APOBEC3D: variants seen among roughly 807,000 people sequenced by gnomAD.
APOBEC3D encodes the protein DNA dC->dU-editing enzyme APOBEC-3D.
Under a neutral mutation model 45.6 loss-of-function variants are expected in APOBEC3D, and 37 were observed. The ratio of observed to expected loss-of-function variants is 0.81; its 90% CI spans 0.62 to 1.07. APOBEC3D has a LOEUF of 1.07. Among genes scored for constraint, APOBEC3D ranks in the 50% least tolerant of loss-of-function variants. The pLI, the probability that APOBEC3D is intolerant of heterozygous loss-of-function variation, is 0.00. For missense variants in APOBEC3D, 496 were observed against 495.3 expected (o/e 1.00, Z -0.01); for synonymous variants, 175 against 180.7 (o/e 0.97, Z 0.25).
At position 39,021,438 on chromosome 22, in the gene APOBEC3D, C is replaced by T. The variant is rs1925093657; in HGVS notation, c.-82C>T. ...CACTTTAAGGAGGGCTGTCCAACTG[C>T]AAGGAGCCGCAAGCAGGAAGTGAAA... On this transcript the variant is annotated 5_prime_UTR_variant, in exon 1 of 7. Coordinates refer to ENST00000216099, the MANE Select transcript of APOBEC3D (RefSeq NM_152426.4). 3 of 1,606,916 alleles carry T rather than the reference C, an allele frequency of 1.9e-6. No individual in the cohort carries two copies. Among genetic ancestry groups the T allele is most frequent in the Admixed American group, 3.4e-5 (2 of 59,686 alleles).
Position 39,021,549 on chromosome 22 carries a change from A to C in APOBEC3D, c.17+13A>C. 1 of 1,612,376 alleles carries C rather than the reference A, an allele frequency of 6.2e-7. No homozygotes were observed. Among genetic ancestry groups the C allele is most frequent in the Non-Finnish European group, 8.5e-7 (1 of 1,179,988 alleles). The stretch of plus-strand genomic sequence containing the variant: ...ATCCACAGATCAGGTACCGCTGCCC[A>C]CTATGTCCGCAGGGCCCCTCCGGCC... On this transcript the variant is annotated intron_variant, in intron 1 of 6. Coordinates refer to ENST00000216099, the MANE Select transcript of APOBEC3D (RefSeq NM_152426.4).
At position 39,033,099 on chromosome 22, in the gene APOBEC3D, T is replaced by C. The variant is rs1248133571; in HGVS notation, c.*783T>C. On this transcript the variant is annotated 3_prime_UTR_variant, in exon 7 of 7. Transcript: ENST00000216099. ...AGATGTGGTGGCATGCACCTGTAGT[T>C]TAAGCTACTTGGGAGGATGAAGTGG... 2.7e-5 allele frequency: 5 copies of C among 186,432 alleles called. No homozygotes were observed. Among genetic ancestry groups the C allele is most frequent in the African/African-American group, 1.2e-4 (5 of 41,866 alleles). The allele number at this position is 186,432 out of a possible 1,614,324, so 11.5% of individuals were successfully genotyped here. A position where few individuals can be genotyped will look rare whatever the true frequency, so the allele number is the denominator to read the frequency against.
At chr22:39,023,853 T>C (rs1046498175) in intron 2 of APOBEC3D, among the ~76,000 whole-genome samples, 2 of 152,090 alleles carry the variant, frequency 1.3e-5, no homozygotes, top group African/African-American at 4.8e-5. Flanking sequence ...CACAGTTTGG[T>C]GAACCCTCAC....
chr22:39,025,582 T>C lies in APOBEC3D; in HGVS notation c.516T>C (p.Phe172=), dbSNP rs1388264596. Reference sequence around the variant, plus strand: ...ACTTTGCATACTGCTGGGAAAACTTTGTGTGCAATGAAGGTCAGCCATTCA... The same window carrying C: ...ACTTTGCATACTGCTGGGAAAACTTCGTGTGCAATGAAGGTCAGCCATTCA... ...YEDFAYCWEN[F]VCNEGQPFMP... Residue 172 remains phenylalanine (F), a synonymous_variant, in exon 4 of 7, where the codon TTT becomes TTC. Transcript: ENST00000216099. The C allele has an allele frequency of 5.1e-5, 83 of 1,613,996 alleles. No individual in the cohort carries two copies. The highest frequency in any genetic ancestry group is 6.9e-5 in the Non-Finnish European group (81 of 1,179,996).
At chr22:39,026,207 G>A (rs910443355) in intron 4 of APOBEC3D, among the ~76,000 whole-genome samples, 2 of 152,160 alleles carry the variant, frequency 1.3e-5, no homozygotes, top group African/African-American at 4.8e-5. Context: ...AAGGTGGAGG[G>A]GTGGGTGGGG....
chr22:39,028,879 G>A (rs1449655815), intron 4 of APOBEC3D, among the ~76,000 whole-genome samples: 1 of 152,154 alleles, frequency 6.6e-6, no homozygotes, highest in African/African-American at 2.4e-5. Flanking sequence ...AAGTTATAGT[G>A]AGCCGAGATT....
In APOBEC3D at chr22:39,023,008, G is replaced by A. The variant is rs371941040; in HGVS notation, c.204G>A (p.Arg68=). 23 of 1,592,080 alleles carry A rather than the reference G, an allele frequency of 1.4e-5. No individual in the cohort carries two copies. In the African/African-American group the frequency reaches 2.6e-4, roughly 18 times the overall value. ...TACCCAAACGTCAGTCGAATCACAG[G>A]CAGGAGGTAAGCAGCTGGGAATGCA... ...PVLPKRQSNH[R]QEVYFRFENH... is the part of the protein sequence containing the mutation. Residue 68 remains arginine (R), a synonymous_variant, in exon 2 of 7, where the codon AGG becomes AGA. Coordinates refer to ENST00000216099, the MANE Select transcript of APOBEC3D (RefSeq NM_152426.4).
intron 2 of APOBEC3D, among the ~76,000 whole-genome samples, chr22:39,023,813 C>G (rs1925365522): frequency 6.6e-6 from 1 of 152,070 alleles, no homozygotes; most frequent in Non-Finnish European, 1.5e-5. Context: ...CGGCCACCGC[C>G]CGGATTCCTC....
intron 4 of APOBEC3D, among the ~76,000 whole-genome samples, chr22:39,027,426 C>T (rs1449652381): frequency 6.6e-6 from 1 of 152,164 alleles, no homozygotes; most frequent in Non-Finnish European, 1.5e-5. Flanking sequence ...TGGGATGATT[C>T]CTGAGGGCAG....
At chr22:39,021,639 G>A in intron 1 of APOBEC3D, 103 bp downstream of exon 1, 2 of 1,540,508 alleles carry the variant, frequency 1.3e-6, no homozygotes, top group Non-Finnish European at 1.8e-6. Flanking sequence ...CCCAGCCCTG[G>A]ACTTCCTTCC....
chr22:39,028,078 G>A (rs1415282387), intron 4 of APOBEC3D, among the ~76,000 whole-genome samples: 8 of 152,272 alleles, frequency 5.3e-5, no homozygotes, highest in East Asian at 3.9e-4. Flanking sequence ...TTAAGAGAGG[G>A]TGTGGGGGAG....
chr22:39,026,071 C>T (rs1008595250), intron 4 of APOBEC3D, among the ~76,000 whole-genome samples: 13 of 152,238 alleles, frequency 8.5e-5, no homozygotes, highest in Non-Finnish European at 1.9e-4. Context: ...CCGACCTGAG[C>T]CCCTGAGAAG....
chr22:39,028,311 C>T (rs1925878030), intron 4 of APOBEC3D, among the ~76,000 whole-genome samples: 1 of 152,246 alleles, frequency 6.6e-6, no homozygotes, highest in Non-Finnish European at 1.5e-5. Context: ...TACAGCTCCC[C>T]ACCGCAGGGC....
In APOBEC3D at chr22:39,021,291, A is replaced by G. The variant is rs1021602197; in HGVS notation, c.-229A>G. 1.2e-5 allele frequency: 6 copies of G among 496,732 alleles called. No homozygotes were observed. The highest frequency in any genetic ancestry group is 4.0e-5 in the African/African-American group (2 of 50,630). The allele number at this position is 496,732 out of a possible 1,614,324, so 30.8% of individuals were successfully genotyped here. A position where few individuals can be genotyped will look rare whatever the true frequency, so the allele number is the denominator to read the frequency against. ...CCTGGCTAATTTTTGTATTTTTAGTAGAGACGGGGTTTCTCCATGTTGGTC... is the reference window on the plus strand; with the variant it reads ...CCTGGCTAATTTTTGTATTTTTAGTGGAGACGGGGTTTCTCCATGTTGGTC... On this transcript the variant is annotated 5_prime_UTR_variant, in exon 1 of 7. Transcript: ENST00000216099.
chr22:39,024,435 T>C (rs982776531), intron 2 of APOBEC3D, among the ~76,000 whole-genome samples: 6 of 152,182 alleles, frequency 3.9e-5, no homozygotes, highest in South Asian at 4.1e-4. Flanking sequence ...CACGAGGCCA[T>C]GAACAGGGCT....
chr22:39,024,466 G>C (rs1214672479), intron 2 of APOBEC3D, among the ~76,000 whole-genome samples: 1 of 152,202 alleles, frequency 6.6e-6, no homozygotes, highest in African/African-American at 2.4e-5. Flanking sequence ...CCAAACACAG[G>C]GAAGCACGTG....
rs1226402248 is a variant in APOBEC3D at position 39,032,192 on chromosome 22, T to C, written c.1043-6T>C. The C allele has an allele frequency of 5.0e-6, 8 of 1,613,664 alleles. 1 individual carries two copies. Among genetic ancestry groups the C allele is most frequent in the Non-Finnish European group, 4.2e-6 (5 of 1,179,712 alleles). Reference sequence around the variant, plus strand: ...CCTCACTGCTTTCTCCTTGTTTTTTTCTCAGATTTTGTATCTTGTTGGAAA... The same window carrying C: ...CCTCACTGCTTTCTCCTTGTTTTTTCCTCAGATTTTGTATCTTGTTGGAAA... On this transcript the variant is annotated splice_region_variant and splice_polypyrimidine_tract_variant and intron_variant, in intron 6 of 6. Coordinates refer to ENST00000216099, the MANE Select transcript of APOBEC3D (RefSeq NM_152426.4).
At position 39,032,844 on chromosome 22, in the gene APOBEC3D, ACCTCAGGTGATCTGCCCATCTCTGT is replaced by A. The variant is rs1369187537; in HGVS notation, c.*530_*554del. On this transcript the variant is annotated 3_prime_UTR_variant, in exon 7 of 7. Transcript: ENST00000216099. ...TGGCCAGGCTGGTCTTGAACTCCTGACCTCAGGTGATCTGCCCATCTCTGTCTCCCAAAGTGCTGGGATTACGGGC... is the reference window on the plus strand; with the variant it reads ...TGGCCAGGCTGGTCTTGAACTCCTGACTCCCAAAGTGCTGGGATTACGGGC... 7.2e-6 allele frequency: 1 copy of A among 138,928 alleles called. No individual in the cohort carries two copies. Among genetic ancestry groups the A allele is most frequent in the Non-Finnish European group, 1.4e-5 (1 of 70,742 alleles). 8.6% of individuals were successfully genotyped at this position (138,928 alleles called of 1,614,324 possible). A position where few individuals can be genotyped will look rare whatever the true frequency, so the allele number is the denominator to read the frequency against.
chr22:39,024,093 C>T (rs374084432), intron 2 of APOBEC3D, among the ~76,000 whole-genome samples: 13 of 152,280 alleles, frequency 8.5e-5, no homozygotes, highest in African/African-American at 3.1e-4. Flanking sequence ...CGACAAGAAC[C>T]GGTGAAAGTA....
Sources: gnomAD v4.1 joint callset for allele counts (sites outside exome capture counted in the v4.1 genomes callset) on GRCh38, gnomAD v4.1.1 for gene constraint, MANE v1.5 for transcripts, NCBI Gene and HGNC (gene_info 2026-07-23, HGNC 2026-07-21) for gene names.